POM121: variants seen among roughly 807,000 people sequenced by gnomAD.
POM121 encodes POM121 transmembrane nucleoporin, also known as nuclear envelope pore membrane protein POM 121.
In POM121, 32 loss-of-function variants were observed where a neutral mutation model predicts 81.3. The ratio of observed to expected loss-of-function variants is 0.39; its 90% CI spans 0.30 to 0.53. POM121 has a LOEUF of 0.53. Among genes scored for constraint, POM121 ranks in the 20% least tolerant of loss-of-function variants. POM121 has a pLI of 0.66. For synonymous variants in POM121, 514 were observed against 694.2 expected, an observed-to-expected ratio of 0.74 and a Z score of 4.08; for missense variants, 1,138 against 1,614.6, an observed-to-expected ratio of 0.70 and a Z score of 5.06.
downstream of POM121, chr7:72,948,399 C>T (rs1168480029): frequency 1.2e-6 from 2 of 1,613,366 alleles, no homozygotes; most frequent in Admixed American, 1.7e-5. Flanking sequence ...ACGCAAACTG[C>T]TGCCTGCGGT....
intron 3 of POM121, 81 bp downstream of exon 3, chr7:72,927,044 C>G (rs1414097296): frequency 5.6e-6 from 9 of 1,603,482 alleles, no homozygotes; most frequent in Non-Finnish European, 7.7e-6. Flanking sequence ...CATATAGATA[C>G]AGAGGCCATC....
chr7:72,908,603 A>G (rs1457261760), intron 3 of POM121, among the ~76,000 whole-genome samples: 1 of 152,324 alleles, frequency 6.6e-6, no homozygotes, highest in Non-Finnish European at 1.5e-5. Context: ...TGGGAGTGCT[A>G]TGGGAAACGG....
chr7:72,923,061 A>ACTAGT (rs1247587957), upstream of POM121, among the ~76,000 whole-genome samples: 6 of 148,028 alleles, frequency 4.1e-5, no homozygotes, highest in East Asian at 1.2e-3. Context: ...CTTTTGTCCC[A>ACTAGT]CTAGTCTACT....
intron 3 of POM121, among the ~76,000 whole-genome samples, chr7:72,908,583 C>T (rs1554493802): frequency 1.3e-5 from 2 of 152,134 alleles, no homozygotes; most frequent in African/African-American, 2.4e-5. Flanking sequence ...TTTCCTCGTC[C>T]TAATATGCCT....
chr7:72,937,623 A>C (rs1329606212), intron 5 of POM121, among the ~76,000 whole-genome samples: 1 of 152,098 alleles, frequency 6.6e-6, no homozygotes, highest in Non-Finnish European at 1.5e-5. Context: ...GTTTGTACTT[A>C]TATGATGTAG....
intron 3 of POM121, among the ~76,000 whole-genome samples, chr7:72,895,559 A>G (rs1478199687): frequency 1.3e-5 from 2 of 152,070 alleles, no homozygotes; most frequent in African/African-American, 4.8e-5. Flanking sequence ...CCTGATTGCC[A>G]TCTCCTTCTG....
At chr7:72,884,065 C>T (rs1790435208) in intron 1 of POM121, among the ~76,000 whole-genome samples, 1 of 152,104 alleles carries the variant, frequency 6.6e-6, no homozygotes, top group Non-Finnish European at 1.5e-5. Context: ...GCCACAATGC[C>T]CAGCGGATTT....
intron 3 of POM121, among the ~76,000 whole-genome samples, chr7:72,909,876 G>A (rs1554493982): frequency 1.3e-5 from 2 of 152,194 alleles, no homozygotes; most frequent in South Asian, 2.1e-4. Context: ...TGAACTCCTG[G>A]GCTCAAGTGT....
upstream of POM121, among the ~76,000 whole-genome samples, chr7:72,923,632 C>G (rs1795047211): frequency 7.6e-6 from 1 of 131,606 alleles, no homozygotes; most frequent in Non-Finnish European, 1.6e-5. Flanking sequence ...CGGAGTCTCG[C>G]TCTGTCGCCC....
At chr7:72,930,257 C>G in intron 5 of POM121, 146 bp downstream of exon 5, 1 of 1,217,566 alleles carries the variant, frequency 8.2e-7, no homozygotes, top group Non-Finnish European at 1.1e-6. Context: ...GAGTTCAAAA[C>G]CAGCCTGGGC....
intron 1 of POM121, among the ~76,000 whole-genome samples, chr7:72,889,510 C>A (rs1586068758): frequency 7.0e-6 from 1 of 143,578 alleles, no homozygotes; most frequent in Non-Finnish European, 1.5e-5. Context: ...TTGCATTTTT[C>A]TTTTTTTTTT....
chr7:72,910,444 T>C (rs1189216554), intron 3 of POM121, among the ~76,000 whole-genome samples: 1 of 152,098 alleles, frequency 6.6e-6, no homozygotes, highest in Non-Finnish European at 1.5e-5. Context: ...GGGAAATGGG[T>C]TGGAGAATCC....
intron 1 of POM121, among the ~76,000 whole-genome samples, chr7:72,883,851 T>C (rs1442471176): frequency 6.6e-6 from 1 of 152,120 alleles, no homozygotes; most frequent in African/African-American, 2.4e-5. Flanking sequence ...TTTGCCTTCA[T>C]TAGGGGAGGC....
chr7:72,934,094 C>A (rs1398259593), intron 5 of POM121, among the ~76,000 whole-genome samples: 2 of 141,220 alleles, frequency 1.4e-5, no homozygotes, highest in Admixed American at 1.4e-4. Flanking sequence ...TTTTTTTTTT[C>A]TTTCTTTTGA....
intron 4 of POM121, among the ~76,000 whole-genome samples, chr7:72,917,721 G>A (rs2129576840): frequency 6.6e-6 from 1 of 152,324 alleles, no homozygotes; most frequent in South Asian, 2.1e-4. Flanking sequence ...CTCCCTGTGT[G>A]CAGCGATGAG....
Position 72,945,475 on chromosome 7 carries a change from T to G in POM121, c.3530-111T>G, listed in dbSNP as rs1188349579. 1.5e-5 allele frequency: 19 copies of G among 1,286,836 alleles called. No individual in the cohort carries two copies. The East Asian group carries it at 4.5e-4, about 31-fold the overall frequency. The allele number at this position is 1,286,836 out of a possible 1,614,324, so 79.7% of individuals were successfully genotyped here. Reference sequence around the variant, plus strand: ...TGGAGGAGTGCCCCAGAAGCAGAAGTGGGGCTGAGGGTCCCGTGGGAAGTG... The same window carrying G: ...TGGAGGAGTGCCCCAGAAGCAGAAGGGGGGCTGAGGGTCCCGTGGGAAGTG... On this transcript the variant is annotated intron_variant, in intron 11 of 12. Coordinates refer to ENST00000434423, the MANE Select transcript of POM121 (RefSeq NM_001387691.1).
At chr7:72,932,269 CT>C (rs1408482517) in intron 5 of POM121, among the ~76,000 whole-genome samples, 31 of 151,086 alleles carry the variant, frequency 2.1e-4, no homozygotes, top group African/African-American at 7.6e-4. Context: ...TTTGATTATC[CT>C]TTATTGTTTT....
At position 72,904,135 on chromosome 7, in the gene POM121, C is replaced by T. The variant is rs567050962; in HGVS notation, c.-215-9630C>T. 2.6e-5 allele frequency among the ~76,000 whole-genome samples: 4 copies of T among 152,310 alleles called. No individual in the cohort carries two copies. In the East Asian group the frequency reaches 5.8e-4, roughly 22 times the overall value. ...GTGTACAGCTTTGCCCTAGGCTTTA[C>T]TCCCTGCCTGCAGGGAGGATGGAGA... On this transcript the variant is annotated intron_variant, in intron 3 of 15. Coordinates refer to the POM121 transcript ENST00000395270.
chr7:72,943,041 G>C lies in POM121; in HGVS notation c.3048G>C (p.Lys1016Asn), dbSNP rs1554502049. 6.2e-7 allele frequency: 1 copy of C among 1,613,790 alleles called. No individual in the cohort carries two copies. The highest frequency in any genetic ancestry group is 1.3e-5 in the African/African-American group (1 of 74,946). ...APTPAPPSMI[K>N]VVPAYVPTPI... The stretch of plus-strand genomic sequence containing the variant: ...CACCTGCACCTCCGTCCATGATCAA[G>C]GTCGTGCCTGCGTACGTGCCTACGC... Residue 1016 changes from lysine to asparagine, a missense_variant, in exon 11 of 13, where the codon AAG becomes AAC. Lys to Asn is a moderately conservative substitution (Grantham distance 94). Coordinates refer to ENST00000434423, the MANE Select transcript of POM121 (RefSeq NM_001387691.1).
Sources: allele counts gnomAD v4.1 joint callset (sites outside exome capture counted in the v4.1 genomes callset), GRCh38; gene constraint gnomAD v4.1.1; transcripts MANE v1.5; gene names NCBI Gene and HGNC (gene_info 2026-07-23, HGNC 2026-07-21).